Variants in CSMD1 observed in about 807,000 individuals in gnomAD.
The protein encoded by CSMD1 is CUB and sushi domain-containing protein 1.
CSMD1 carries 213 observed loss-of-function variants against 417.5 expected under a neutral mutation model. That is an observed-to-expected ratio of 0.51 (90% CI 0.46 to 0.57). The LOEUF is 0.57. CSMD1 is among the 20% of genes least tolerant of loss of function. CSMD1 has a pLI of 0.00. For missense variants in CSMD1, 6,923 were observed against 4,529.7 expected, an observed-to-expected ratio of 1.53 and a Z score of -15.17; for synonymous variants, 2,862 against 1,736.8, an observed-to-expected ratio of 1.65 and a Z score of -16.11.
intron 3 of CSMD1, among the ~76,000 whole-genome samples, chr8:4,231,707 T>C (rs551834279): frequency 6.6e-6 from 1 of 152,280 alleles, no homozygotes; most frequent in South Asian, 2.1e-4. Context: ...ATAAGCCAAG[T>C]CTTAAGAATG....
At chr8:3,042,941 T>C (rs112203939) in intron 50 of CSMD1, among the ~76,000 whole-genome samples, 3 of 150,734 alleles carry the variant, frequency 2.0e-5, no homozygotes, top group Non-Finnish European at 4.4e-5. Flanking sequence ...ATAGTATATA[T>C]AGTGATATAC....
chr8:4,766,222 G>A (rs913798704), intron 1 of CSMD1, among the ~76,000 whole-genome samples: 2 of 152,272 alleles, frequency 1.3e-5, no homozygotes, highest in South Asian at 2.1e-4. Context: ...GTGCTGGTGC[G>A]TTGGCAACAA....
chr8:3,967,131 T>C (rs1164112448), intron 5 of CSMD1, among the ~76,000 whole-genome samples: 1 of 151,702 alleles, frequency 6.6e-6, no homozygotes, highest in East Asian at 1.9e-4. Context: ...ACTAATTTTG[T>C]CTATTTGCAT....
intron 3 of CSMD1, among the ~76,000 whole-genome samples, chr8:4,178,070 A>C (rs1584965173): frequency 6.6e-6 from 1 of 152,150 alleles, no homozygotes; most frequent in Non-Finnish European, 1.5e-5. Context: ...ACCCTCACTA[A>C]CTCATTTTAT....
intron 1 of CSMD1, among the ~76,000 whole-genome samples, chr8:4,828,999 C>T (rs1289149035): frequency 6.6e-6 from 1 of 152,144 alleles, no homozygotes; most frequent in East Asian, 1.9e-4. Context: ...ATCAAAACTG[C>T]ACTAATTATT....
In CSMD1 at chr8:4,377,607, T is replaced by C. The variant is rs1802838597; in HGVS notation, c.415+42346A>G. The stretch of plus-strand genomic sequence containing the variant: ...AAGTAAATTCTCAAAGCCTCAATTT[T>C]ATGATGTGCAAAACTAGAGGTTCAA... On this transcript the variant is annotated intron_variant, in intron 3 of 69. Coordinates refer to ENST00000635120, the MANE Select transcript of CSMD1 (RefSeq NM_033225.6). Among the ~76,000 whole-genome samples the C allele has an allele frequency of 2.0e-5, 3 of 152,188 alleles. No individual in the cohort carries two copies. The South Asian group carries it at 6.2e-4, about 31-fold the overall frequency.
chr8:3,729,694 TTC>T (rs1802711301), intron 6 of CSMD1, among the ~76,000 whole-genome samples: 1 of 68,114 alleles, frequency 1.5e-5, no homozygotes, highest in Non-Finnish European at 2.7e-5. Context: ...AACTCGCCTC[TTC>T]TTCTGCTAAG....
chr8:3,403,736 T>C (rs1303298129), intron 15 of CSMD1, among the ~76,000 whole-genome samples: 1 of 152,184 alleles, frequency 6.6e-6, no homozygotes, highest in Admixed American at 6.5e-5. Flanking sequence ...GAAATATGCT[T>C]GGCTAGAATA....
intron 3 of CSMD1, among the ~76,000 whole-genome samples, chr8:4,369,660 T>C (rs1185418737): frequency 6.6e-6 from 1 of 152,232 alleles, no homozygotes; most frequent in Non-Finnish European, 1.5e-5. Flanking sequence ...ATAGTTGTCT[T>C]CTTGTTGAGT....
chr8:4,407,010 T>A (rs1385850771), intron 3 of CSMD1, among the ~76,000 whole-genome samples: 2 of 152,186 alleles, frequency 1.3e-5, no homozygotes, highest in Non-Finnish European at 2.9e-5. Context: ...TTCCACACCA[T>A]AGCTACGGGT....
At chr8:3,902,913 C>T (rs953858157) in intron 5 of CSMD1, among the ~76,000 whole-genome samples, 9 of 152,172 alleles carry the variant, frequency 5.9e-5, no homozygotes, top group African/African-American at 2.2e-4. Flanking sequence ...ATCTTAACCA[C>T]TTATCTCTTT....
chr8:4,345,981 G>C (rs1032713695), intron 3 of CSMD1, among the ~76,000 whole-genome samples: 2 of 152,100 alleles, frequency 1.3e-5, no homozygotes, highest in African/African-American at 4.8e-5. Flanking sequence ...GATATCATTT[G>C]GAATTTCAGT....
At chr8:3,265,524 G>C (rs1240579414) in intron 26 of CSMD1, among the ~76,000 whole-genome samples, 1 of 152,178 alleles carries the variant, frequency 6.6e-6, no homozygotes, top group Non-Finnish European at 1.5e-5. Context: ...AAGGGAGTGA[G>C]TCTTAGAGAG....
chr8:4,176,666 T>C (rs1366139722), intron 3 of CSMD1, among the ~76,000 whole-genome samples: 1 of 151,524 alleles, frequency 6.6e-6, no homozygotes, highest in African/African-American at 2.4e-5. Flanking sequence ...CCCATCAGTG[T>C]GCTGTATTCA....
chr8:4,934,228 A>G (rs2117204736), intron 1 of CSMD1, among the ~76,000 whole-genome samples: 1 of 152,334 alleles, frequency 6.6e-6, no homozygotes, highest in East Asian at 1.9e-4. Context: ...ATTTTTATCC[A>G]GACATCCCCC....
chr8:4,281,698 C>G (rs937630195), intron 3 of CSMD1, among the ~76,000 whole-genome samples: 1 of 152,056 alleles, frequency 6.6e-6, no homozygotes, highest in African/African-American at 2.4e-5. Flanking sequence ...CATATACATA[C>G]AAGTCATTTT....
chr8:3,867,741 C>A (rs934111537), intron 5 of CSMD1, among the ~76,000 whole-genome samples: 1 of 152,258 alleles, frequency 6.6e-6, no homozygotes, highest in East Asian at 1.9e-4. Flanking sequence ...TATGCAAACA[C>A]TGGCACAGGA....
rs147169194 is a variant in CSMD1, at chr8:4,738,562, G to C, written c.86-101004C>G. 4.8e-3 allele frequency among the ~76,000 whole-genome samples: 735 copies of C among 152,176 alleles called. 8 individuals carry two copies. The highest frequency in any genetic ancestry group is 0.021 in the South Asian group (101 of 4,812). On this transcript the variant is annotated intron_variant, in intron 1 of 69. Transcript: ENST00000635120. ...CCATAACAGGGGAACTACAATTCTAGATAAGACTTGAATGGGGACACAAAG... is the reference window on the plus strand; with the variant it reads ...CCATAACAGGGGAACTACAATTCTACATAAGACTTGAATGGGGACACAAAG...
chr8:3,417,721 C>CG (rs199935843), intron 12 of CSMD1, among the ~76,000 whole-genome samples: 2,847 of 152,284 alleles, frequency 0.019, 55 homozygotes, highest in East Asian at 0.096. Flanking sequence ...CTTAGATTCT[C>CG]ATTTTTTTTC....
Sources: gnomAD v4.1 joint callset for allele counts (sites outside exome capture counted in the v4.1 genomes callset) on GRCh38, gnomAD v4.1.1 for gene constraint, MANE v1.5 for transcripts, NCBI Gene and HGNC (gene_info 2026-07-23, HGNC 2026-07-21) for gene names.